LRP1B: variants seen among roughly 807,000 people sequenced by gnomAD.
LRP1B encodes the protein LDL receptor related protein 1B.
A neutral mutation model predicts 556.6 loss-of-function variants in LRP1B; 217 were observed. The observed-to-expected ratio is 0.39, with a 90% confidence interval of 0.35 to 0.44. The LOEUF is 0.44. Among genes scored for constraint, LRP1B ranks in the 20% least tolerant of loss-of-function variants. The pLI, the probability that LRP1B is intolerant of heterozygous loss-of-function variation, is 1.00. For synonymous variants in LRP1B, 2,047 were observed against 1,865.8 expected (o/e 1.10, Z -2.50); for missense variants, 5,053 against 5,620.8 (o/e 0.90, Z 3.23).
Position 140,291,298 on chromosome 2 carries a change from T to TTATATATCTATATATA in LRP1B, c.12967+6509_12967+6510insTATATATAGATATATA, listed in dbSNP as rs1672811454. Reference sequence around the variant, plus strand: ...AGATACCACTTCAAGAAATTTTATTTTATATATATATATATATATATTTTT... The same window carrying TTATATATCTATATATA: ...AGATACCACTTCAAGAAATTTTATTTTATATATCTATATATATATATATATATATATATATATTTTT... On this transcript the variant is annotated intron_variant, in intron 84 of 90. Transcript: ENST00000389484. 4.2e-5 allele frequency among the ~76,000 whole-genome samples: 3 copies of TTATATATCTATATATA among 72,000 alleles called. No individual in the cohort carries two copies. The Admixed American group carries it at 5.0e-4, about 12-fold the overall frequency. 47.2% of individuals were successfully genotyped at this position (72,000 alleles called of 152,430 possible). A position where few individuals can be genotyped will look rare whatever the true frequency, so the allele number is the denominator to read the frequency against.
intron 2 of LRP1B, among the ~76,000 whole-genome samples, chr2:141,539,319 T>C (rs1685172353): frequency 6.6e-6 from 1 of 152,178 alleles, no homozygotes; most frequent in African/African-American, 2.4e-5. Flanking sequence ...GTCATTTTAA[T>C]GTGCTTTTAA....
intron 41 of LRP1B, chr2:140,683,311 T>A: frequency 7.0e-6 from 3 of 429,710 alleles, no homozygotes; most frequent in Non-Finnish European, 1.3e-5. Flanking sequence ...GGAAAAGAGA[T>A]CTTGACCTGG....
intron 1 of LRP1B, among the ~76,000 whole-genome samples, chr2:142,026,225 ACT>A (rs1415094228): frequency 6.6e-6 from 1 of 152,030 alleles, no homozygotes; most frequent in East Asian, 1.9e-4. Flanking sequence ...TCACATTTTT[ACT>A]CTCATTTTTA....
At chr2:141,513,027 A>T (rs1310355593) in intron 2 of LRP1B, among the ~76,000 whole-genome samples, 1 of 152,144 alleles carries the variant, frequency 6.6e-6, no homozygotes, top group Non-Finnish European at 1.5e-5. Flanking sequence ...TTATTCCTAT[A>T]TCTGTCCTAC....
chr2:141,788,405 C>G lies in LRP1B; in HGVS notation c.205+21874G>C, dbSNP rs923065626. Among the ~76,000 whole-genome samples the G allele has an allele frequency of 7.9e-5, 12 of 151,918 alleles. 1 individual carries two copies. Among genetic ancestry groups the G allele is most frequent in the Admixed American group, 5.3e-4 (8 of 15,194 alleles). ...AAACACTGCTGATGTCTTGTATTTA[C>G]CATATATGAACAATTCTATGATATT... On this transcript the variant is annotated intron_variant, in intron 2 of 90. Coordinates refer to ENST00000389484, the MANE Select transcript of LRP1B (RefSeq NM_018557.3).
intron 1 of LRP1B, among the ~76,000 whole-genome samples, chr2:142,030,259 T>A (rs753779312): frequency 5.3e-5 from 8 of 151,878 alleles, no homozygotes; most frequent in Non-Finnish European, 8.8e-5. Context: ...AAGAAGGCTA[T>A]AAAAGGATGA....
At chr2:141,543,220 T>C (rs1158931948) in intron 2 of LRP1B, among the ~76,000 whole-genome samples, 1 of 151,844 alleles carries the variant, frequency 6.6e-6, no homozygotes, top group African/African-American at 2.4e-5. Context: ...ATTTAAATAT[T>C]ATACAAGGCC....
At chr2:140,836,814 G>A (rs943762201) in intron 31 of LRP1B, among the ~76,000 whole-genome samples, 4 of 152,186 alleles carry the variant, frequency 2.6e-5, no homozygotes, top group African/African-American at 9.7e-5. Flanking sequence ...ACGCATTGGG[G>A]AGACTATCAA....
chr2:140,310,556 A>T (rs1458399653), intron 83 of LRP1B, among the ~76,000 whole-genome samples: 1 of 151,880 alleles, frequency 6.6e-6, no homozygotes, highest in African/African-American at 2.4e-5. Context: ...AGATACATGG[A>T]TCAATGGAAC....
chr2:141,382,462 C>A (rs1396250392), intron 3 of LRP1B, among the ~76,000 whole-genome samples: 1 of 152,234 alleles, frequency 6.6e-6, no homozygotes, highest in African/African-American at 2.4e-5. Context: ...GACAGTCTCA[C>A]TAGCCTTTGT....
chr2:141,933,745 G>A (rs780975926), intron 1 of LRP1B, among the ~76,000 whole-genome samples: 1 of 152,064 alleles, frequency 6.6e-6, no homozygotes, highest in Non-Finnish European at 1.5e-5. Flanking sequence ...AAAAACTCAA[G>A]CTAACAATTT....
At chr2:140,400,165 C>G (rs1027473070) in intron 66 of LRP1B, among the ~76,000 whole-genome samples, 2 of 152,168 alleles carry the variant, frequency 1.3e-5, no homozygotes, top group Non-Finnish European at 2.9e-5. Flanking sequence ...TTCACCATTT[C>G]TGTCCACACT....
At chr2:141,022,071 T>G (rs1454252285) in intron 11 of LRP1B, among the ~76,000 whole-genome samples, 2 of 151,786 alleles carry the variant, frequency 1.3e-5, no homozygotes, top group Non-Finnish European at 2.9e-5. Flanking sequence ...TTTTTACCAG[T>G]GACTAACTTT....
At chr2:141,962,621 T>C (rs72852550) in intron 1 of LRP1B, among the ~76,000 whole-genome samples, 21 of 151,870 alleles carry the variant, frequency 1.4e-4, no homozygotes, top group Non-Finnish European at 2.4e-4. Flanking sequence ...AAAAGTATGA[T>C]AGAAAAGCCC....
chr2:140,358,249 G>GC, intron 73 of LRP1B, 133 bp from the exon 74 acceptor site: 2 of 765,824 alleles, frequency 2.6e-6, no homozygotes, highest in Non-Finnish European at 3.9e-6. Context: ...AAGCTCTCAA[G>GC]GCCAAATTTT....
chr2:141,888,150 T>G lies in LRP1B; in HGVS notation c.83-77749A>C, dbSNP rs185174670. On this transcript the variant is annotated intron_variant, in intron 1 of 90. Transcript: ENST00000389484. ...TGGACTTTGCCTAAAGTGGTCAAAA[T>G]GTTCACCTAATTTACTCTCATCAAG... Among the ~76,000 whole-genome samples, 8 of 152,308 alleles carry G rather than the reference T, an allele frequency of 5.3e-5. No homozygotes were observed. In the East Asian group the frequency reaches 1.5e-3, roughly 29 times the overall value.
At chr2:141,296,625 T>TCA (rs1167541529) in intron 3 of LRP1B, among the ~76,000 whole-genome samples, 2 of 152,236 alleles carry the variant, frequency 1.3e-5, no homozygotes, top group African/African-American at 4.8e-5. Flanking sequence ...TGATAGATGC[T>TCA]CAACACATGG....
chr2:141,454,123 C>T (rs752911231), intron 3 of LRP1B, among the ~76,000 whole-genome samples: 5 of 152,010 alleles, frequency 3.3e-5, no homozygotes, highest in African/African-American at 7.2e-5. Flanking sequence ...GAAAATTTGG[C>T]ATTTAATTTT....
chr2:141,624,500 T>A (rs147155270), intron 2 of LRP1B, among the ~76,000 whole-genome samples: 304 of 152,292 alleles, frequency 2.0e-3, no homozygotes, highest in African/African-American at 7.0e-3. Context: ...TAGAAGATTA[T>A]TGCCTTGGGA....
Sources: allele counts gnomAD v4.1 joint callset (sites outside exome capture counted in the v4.1 genomes callset), GRCh38; gene constraint gnomAD v4.1.1; transcripts MANE v1.5; gene names NCBI Gene and HGNC (gene_info 2026-07-23, HGNC 2026-07-21).